NINL: variants seen among roughly 807,000 people sequenced by gnomAD.
NINL encodes ninein like.
A neutral mutation model predicts 160.3 loss-of-function variants in NINL; 153 were observed. The ratio of observed to expected loss-of-function variants is 0.95; its 90% CI spans 0.84 to 1.09. NINL has a LOEUF of 1.09. NINL is among the 50% of genes least tolerant of loss of function. The probability of loss-of-function intolerance (pLI) is 0.00; values close to 1 mark genes in which losing one functional copy is unlikely to be tolerated. For missense variants in NINL, 1,829 were observed against 1,764.0 expected (o/e 1.04, Z -0.66); for synonymous variants, 800 against 734.8 (o/e 1.09, Z -1.43).
chr20:25,503,302 T>G (rs1277451230), intron 7 of NINL, among the ~76,000 whole-genome samples: 1 of 140,512 alleles, frequency 7.1e-6, no homozygotes, highest in Admixed American at 7.2e-5. Flanking sequence ...ACCTGAGCAC[T>G]GCCTCCTGTA....
intron 1 of NINL, among the ~76,000 whole-genome samples, chr20:25,538,443 C>T (rs2064599788): frequency 6.6e-6 from 1 of 152,198 alleles, no homozygotes; most frequent in Admixed American, 6.5e-5. Flanking sequence ...ATTTGCTTTC[C>T]AGAGTTCTTT....
intron 2 of NINL, among the ~76,000 whole-genome samples, chr20:25,519,087 ACT>A (rs1465450861): frequency 3.1e-5 from 4 of 128,970 alleles, no homozygotes; most frequent in South Asian, 2.5e-4. Flanking sequence ...ACAGAGCGAG[ACT>A]CTGTCTCAAA....
chr20:25,473,222 G>C (rs974381815), intron 17 of NINL, among the ~76,000 whole-genome samples: 15 of 152,226 alleles, frequency 9.9e-5, no homozygotes, highest in African/African-American at 3.6e-4. Context: ...TCTTGTTCTG[G>C]GCGCTGGTAA....
intron 10 of NINL, 79 bp downstream of exon 10, chr20:25,496,584 C>T (rs899775492): frequency 6.5e-7 from 1 of 1,550,060 alleles, no homozygotes; most frequent in Non-Finnish European, 8.7e-7. Context: ...TGGCCCCTGG[C>T]AGCCCTGTGT....
At chr20:25,528,838 A>G (rs2064401759) in intron 1 of NINL, among the ~76,000 whole-genome samples, 1 of 152,230 alleles carries the variant, frequency 6.6e-6, no homozygotes. Flanking sequence ...CAACATGAAA[A>G]GTCAATCAAG....
intron 21 of NINL, among the ~76,000 whole-genome samples, chr20:25,460,439 G>A (rs1362013223): frequency 6.6e-6 from 1 of 152,316 alleles, no homozygotes; most frequent in East Asian, 1.9e-4. Flanking sequence ...GGCCCCAGGG[G>A]TGTGGAATGC....
intron 1 of NINL, among the ~76,000 whole-genome samples, chr20:25,565,045 G>C (rs2064984983): frequency 1.3e-5 from 2 of 152,206 alleles, no homozygotes; most frequent in African/African-American, 4.8e-5. Context: ...TTCAGGGTAG[G>C]GGCAGGAAGT....
chr20:25,506,741 G>A (rs6115200), intron 5 of NINL, among the ~76,000 whole-genome samples: 1 of 151,940 alleles, frequency 6.6e-6, no homozygotes, highest in African/African-American at 2.4e-5. Flanking sequence ...GGACACTGAA[G>A]GACGGCTTCT....
rs73335363 is a variant in NINL, at chr20:25,508,573, C to T, written c.517+2101G>A. Among the ~76,000 whole-genome samples, 994 of 152,340 alleles carry T rather than the reference C, an allele frequency of 6.5e-3. 16 individuals carry two copies. Among genetic ancestry groups the T allele is most frequent in the African/African-American group, 0.023 (952 of 41,580 alleles). On this transcript the variant is annotated intron_variant, in intron 5 of 23. Coordinates refer to ENST00000278886, the MANE Select transcript of NINL (RefSeq NM_025176.6). ...CTGCCCACACCTCACCAGTGGGATC[C>T]AGTGCAGCCTGATGACTTCCTGGGA...
chr20:25,566,083 A>G (rs1283895411), intron 1 of NINL, among the ~76,000 whole-genome samples: 2 of 152,192 alleles, frequency 1.3e-5, no homozygotes, highest in Non-Finnish European at 2.9e-5. Context: ...CGGCCTCCAC[A>G]GTCACATGAG....
chr20:25,475,024 C>A (rs1365866306), intron 17 of NINL, among the ~76,000 whole-genome samples: 1 of 152,012 alleles, frequency 6.6e-6, no homozygotes, highest in Non-Finnish European at 1.5e-5. Context: ...CTCAGGTGAT[C>A]CACCCACCTT....
chr20:25,513,774 C>G (rs186210157), intron 3 of NINL, among the ~76,000 whole-genome samples: 84 of 152,302 alleles, frequency 5.5e-4, no homozygotes, highest in Admixed American at 2.2e-3. Context: ...TCTCTTCCTC[C>G]TTCTCCAGTC....
intron 8 of NINL, chr20:25,498,891 C>G (rs1376230143): frequency 4.1e-6 from 4 of 984,962 alleles, no homozygotes; most frequent in Middle Eastern, 5.2e-4. Context: ...TAATAAACTT[C>G]AAAGCACAGA....
chr20:25,491,504 C>G lies in NINL; in HGVS notation c.1332G>C (p.Arg444=). Residue 444 remains arginine, a synonymous_variant, in exon 11 of 24, where the codon CGG becomes CGC. Transcript: ENST00000278886. ...CAGACCGCAGGAGGCTCAGCCTTTC[C>G]CGGTACCCCTGCTCCAGATGCCTGT... ...KKIKHLEQGY[R]ERLSLLRSEV... is the part of the protein sequence containing the mutation. 2 of 1,613,970 alleles carry G rather than the reference C, an allele frequency of 1.2e-6. No individual in the cohort carries two copies. Among genetic ancestry groups the G allele is most frequent in the Non-Finnish European group, 1.7e-6 (2 of 1,179,952 alleles).
At position 25,526,449 on chromosome 20, in the gene NINL, C is replaced by T. The variant is rs1264826676; in HGVS notation, c.139G>A (p.Val47Ile). ...LKLHLEQQLPVLLQTLLGNDH... is the reference protein window; with the variant it reads ...LKLHLEQQLPILLQTLLGNDH... Reference sequence around the variant, plus strand: ...TTTCCGAGAAGCGTCTGCAGGAGGACGGGCAGCTGCTGCTCCAGGTGAAGC... The same window carrying T: ...TTTCCGAGAAGCGTCTGCAGGAGGATGGGCAGCTGCTGCTCCAGGTGAAGC... The change falls in exon 2 of 24, where the codon GTC becomes ATC. Residue 47 changes from valine to isoleucine, a missense_variant. Physicochemically the swap from Val to Ile is conservative, Grantham distance 29 (BLOSUM62 3). Transcript: ENST00000278886. 12 of 1,613,898 alleles carry T rather than the reference C, an allele frequency of 7.4e-6. No homozygotes were observed. Among genetic ancestry groups the T allele is most frequent in the South Asian group, 2.2e-5 (2 of 91,072 alleles).
At chr20:25,549,222 C>T (rs1173270783) in intron 1 of NINL, among the ~76,000 whole-genome samples, 4 of 142,728 alleles carry the variant, frequency 2.8e-5, no homozygotes, top group African/African-American at 5.3e-5. Flanking sequence ...CCGGCACCCA[C>T]GGCCAAACCT....
chr20:25,476,113 T>C lies in NINL; in HGVS notation c.3178A>G (p.Thr1060Ala). The C allele has an allele frequency of 6.2e-7, 1 of 1,614,232 alleles. No homozygotes were observed. The highest frequency in any genetic ancestry group is 8.5e-7 in the Non-Finnish European group (1 of 1,180,030). The change falls in exon 17 of 24, where the codon ACC becomes GCC. Residue 1060 changes from threonine to alanine, a missense_variant. Physicochemically the swap from Thr to Ala is moderately conservative, Grantham distance 58. Transcript: ENST00000278886. ...ALEREKDDME[T>A]KLLHLEDVVR... ...ACGTCTTCCAGATGTAGAAGTTTGGTTTCCATGTCATCCTTCTCTCTCTCC... is the reference window on the plus strand; with the variant it reads ...ACGTCTTCCAGATGTAGAAGTTTGGCTTCCATGTCATCCTTCTCTCTCTCC...
chr20:25,542,215 A>C (rs1301139790), intron 1 of NINL, among the ~76,000 whole-genome samples: 2 of 152,214 alleles, frequency 1.3e-5, no homozygotes, highest in Non-Finnish European at 2.9e-5. Flanking sequence ...TTCCTGGGCT[A>C]CAGAAGCTTC....
chr20:25,508,711 G>A (rs1247020242), intron 5 of NINL, among the ~76,000 whole-genome samples: 3 of 152,212 alleles, frequency 2.0e-5, no homozygotes, highest in East Asian at 3.8e-4. Context: ...GCATTCAGCC[G>A]GGCTCCAGCC....
Sources: gnomAD v4.1 joint callset for allele counts (sites outside exome capture counted in the v4.1 genomes callset) on GRCh38, gnomAD v4.1.1 for gene constraint, MANE v1.5 for transcripts, NCBI Gene and HGNC (gene_info 2026-07-23, HGNC 2026-07-21) for gene names.